Variants in TMEM132D observed in about 807,000 individuals in gnomAD.
TMEM132D encodes the protein mature OL transmembrane protein.
Under a neutral mutation model 62.3 loss-of-function variants are expected in TMEM132D, and 21 were observed. The ratio of observed to expected loss-of-function variants is 0.34; its 90% CI spans 0.24 to 0.49. The LOEUF (loss-of-function observed/expected upper bound fraction) is 0.49, where lower values mean the gene tolerates loss of function less well. TMEM132D is among the 20% of genes least tolerant of loss of function. The pLI is 0.99. For missense variants in TMEM132D, 1,346 were observed against 1,402.8 expected (o/e 0.96, Z 0.65); for synonymous variants, 621 against 575.6 (o/e 1.08, Z -1.13).
intron 1 of TMEM132D, among the ~76,000 whole-genome samples, chr12:129,771,238 G>A (rs1048071512): frequency 6.6e-6 from 1 of 152,202 alleles, no homozygotes; most frequent in Admixed American, 6.5e-5. Flanking sequence ...AGGCAGCACA[G>A]GGCAGTGGTT....
At chr12:129,680,911 G>T (rs1336386519) in intron 2 of TMEM132D, among the ~76,000 whole-genome samples, 1 of 152,208 alleles carries the variant, frequency 6.6e-6, no homozygotes, top group African/African-American at 2.4e-5. Flanking sequence ...GGACCCACAG[G>T]TGGAGGAACA....
In TMEM132D at chr12:129,697,089, C is replaced by A. The variant is rs963436131; in HGVS notation, c.968+2721G>T. 3.3e-5 allele frequency among the ~76,000 whole-genome samples: 5 copies of A among 152,200 alleles called. No homozygotes were observed. The South Asian group carries it at 6.2e-4, about 19-fold the overall frequency. ...AGTGCCCCTGAGATCACAGGCACGC[C>A]GCCGGGGAGGTGTACAGTGGGTGGT... On this transcript the variant is annotated intron_variant, in intron 2 of 8. Coordinates refer to ENST00000422113, the MANE Select transcript of TMEM132D (RefSeq NM_133448.3).
rs1874452824 is a variant in TMEM132D, at chr12:129,081,738, GA to G, written c.1923+20del. 1 of 1,415,556 alleles carries G rather than the reference GA, an allele frequency of 7.1e-7. No individual in the cohort carries two copies. The highest frequency in any genetic ancestry group is 1.3e-5 in the South Asian group (1 of 77,116). The allele number at this position is 1,415,556 out of a possible 1,614,324, so 87.7% of individuals were successfully genotyped here. A position where few individuals can be genotyped will look rare whatever the true frequency, so the allele number is the denominator to read the frequency against. ...GAAGACAGAGAGATCTTGATTTGGG[GA>G]TTTTTTTTTTTTTTTTTACCTGAAT... On this transcript the variant is annotated intron_variant, in intron 7 of 8. Transcript: ENST00000422113.
chr12:129,688,495 G>A (rs1469876277), intron 2 of TMEM132D, among the ~76,000 whole-genome samples: 1 of 152,056 alleles, frequency 6.6e-6, no homozygotes, highest in African/African-American at 2.4e-5. Context: ...TCCTCTCATG[G>A]TGCAAACACC....
intron 2 of TMEM132D, among the ~76,000 whole-genome samples, chr12:129,618,103 CAG>C (rs1878970797): frequency 6.6e-6 from 1 of 152,206 alleles, no homozygotes; most frequent in Admixed American, 6.5e-5. Context: ...CTGCTAAACA[CAG>C]AGCCTGGAGG....
At chr12:129,251,810 C>G (rs1880274430) in intron 4 of TMEM132D, among the ~76,000 whole-genome samples, 2 of 152,132 alleles carry the variant, frequency 1.3e-5, no homozygotes, top group African/African-American at 4.8e-5. Flanking sequence ...GCAAGTGAGT[C>G]TACTCCATGT....
chr12:129,821,649 A>C (rs1872545008), intron 1 of TMEM132D, among the ~76,000 whole-genome samples: 1 of 151,936 alleles, frequency 6.6e-6, no homozygotes, highest in Non-Finnish European at 1.5e-5. Context: ...AGTGCCAATC[A>C]AAACGTGCAG....
At chr12:129,852,408 G>C (rs948335842) in intron 1 of TMEM132D, 5 of 152,230 alleles carry the variant, frequency 3.3e-5, no homozygotes, top group African/African-American at 1.2e-4. Context: ...GCTGGGCTTG[G>C]TGATGCATGC....
intron 1 of TMEM132D, among the ~76,000 whole-genome samples, chr12:129,753,532 A>C (rs899709135): frequency 5.9e-5 from 9 of 152,348 alleles, no homozygotes; most frequent in Admixed American, 1.3e-4. Flanking sequence ...ATCAGTGAGC[A>C]CACTTATTCA....
chr12:129,612,408 T>A (rs1378239666), intron 2 of TMEM132D, among the ~76,000 whole-genome samples: 1 of 152,172 alleles, frequency 6.6e-6, no homozygotes, highest in African/African-American at 2.4e-5. Flanking sequence ...CCTGGACGCT[T>A]GGGGGACCAA....
intron 1 of TMEM132D, among the ~76,000 whole-genome samples, chr12:129,845,592 C>T (rs182709898): frequency 1.6e-4 from 24 of 152,296 alleles, no homozygotes; most frequent in African/African-American, 5.3e-4. Context: ...AGGTCTGTCT[C>T]AAAATTTCAT....
intron 2 of TMEM132D, among the ~76,000 whole-genome samples, chr12:129,676,365 T>G (rs1398251566): frequency 6.6e-6 from 1 of 152,224 alleles, no homozygotes; most frequent in African/African-American, 2.4e-5. Flanking sequence ...TCTATCTAAT[T>G]TAATCTATCA....
At chr12:129,871,828 T>C (rs1874252436) in intron 1 of TMEM132D, among the ~76,000 whole-genome samples, 1 of 152,060 alleles carries the variant, frequency 6.6e-6, no homozygotes, top group South Asian at 2.1e-4. Flanking sequence ...ATATGGGAAG[T>C]TCCAAGCCAG....
rs1236268476 is a variant in TMEM132D, at chr12:129,083,061, A to ATAAGT, written c.1650-1034_1650-1030dup. Among the ~76,000 whole-genome samples, 3 of 152,120 alleles carry ATAAGT rather than the reference A, an allele frequency of 2.0e-5. 1 individual carries two copies. The highest frequency in any genetic ancestry group is 4.1e-4 in the South Asian group (2 of 4,826). ...CTTTTAAACCACATTAACTTTGGGG[A>ATAAGT]TAAGTTTTAAACCACTAAGGTTTGG... On this transcript the variant is annotated intron_variant, in intron 6 of 8. Coordinates refer to ENST00000422113, the MANE Select transcript of TMEM132D (RefSeq NM_133448.3).
chr12:129,249,504 C>T (rs2135589332), intron 4 of TMEM132D, among the ~76,000 whole-genome samples: 1 of 152,290 alleles, frequency 6.6e-6, no homozygotes, highest in African/African-American at 2.4e-5. Context: ...GTGGCAGGTA[C>T]TTGGGTGACA....
chr12:129,261,317 T>C (rs1002394572), intron 4 of TMEM132D, among the ~76,000 whole-genome samples: 1 of 152,140 alleles, frequency 6.6e-6, no homozygotes, highest in Non-Finnish European at 1.5e-5. Flanking sequence ...AATTGAATCA[T>C]GGGGGTGGGT....
At chr12:129,077,748 C>T (rs893944783) in intron 8 of TMEM132D, among the ~76,000 whole-genome samples, 4 of 151,952 alleles carry the variant, frequency 2.6e-5, no homozygotes, top group African/African-American at 9.7e-5. Context: ...TGCATACATA[C>T]AACACACGAT....
intron 1 of TMEM132D, among the ~76,000 whole-genome samples, chr12:129,771,981 G>A (rs117390528): frequency 0.011 from 1,671 of 152,204 alleles, 48 homozygotes; most frequent in East Asian, 0.096. Context: ...AACAAAGGAC[G>A]GCAGTGATAT....
chr12:129,484,943 T>C (rs1283818119), intron 3 of TMEM132D, among the ~76,000 whole-genome samples: 3 of 152,184 alleles, frequency 2.0e-5, no homozygotes, highest in Non-Finnish European at 4.4e-5. Context: ...GGGCCAATGT[T>C]TTAGAGGACT....
Sources: allele counts gnomAD v4.1 joint callset (sites outside exome capture counted in the v4.1 genomes callset), GRCh38; gene constraint gnomAD v4.1.1; transcripts MANE v1.5; gene names NCBI Gene and HGNC (gene_info 2026-07-23, HGNC 2026-07-21).